IMMP2L: variants seen among roughly 807,000 people sequenced by gnomAD.
IMMP2L encodes the protein mitochondrial inner membrane protease subunit 2.
IMMP2L carries 18 observed loss-of-function variants against 19.3 expected under a neutral mutation model. The observed-to-expected ratio is 0.93, with a 90% CI of 0.64 to 1.38. The LOEUF (loss-of-function observed/expected upper bound fraction) is 1.38, where lower values mean the gene tolerates loss of function less well. IMMP2L is among the 40% of genes most tolerant of loss of function. The pLI, the probability that IMMP2L is intolerant of heterozygous loss-of-function variation, is 0.00. For synonymous variants in IMMP2L, 76 were observed against 73.0 expected, an observed-to-expected ratio of 1.04 and a Z score of -0.21; for missense variants, 233 against 218.2, an observed-to-expected ratio of 1.07 and a Z score of -0.43.
intron 2 of IMMP2L, among the ~76,000 whole-genome samples, chr7:111,511,531 C>A (rs1301573577): frequency 6.6e-6 from 1 of 151,800 alleles, no homozygotes; most frequent in Non-Finnish European, 1.5e-5. Flanking sequence ...AGCCTGTAAT[C>A]CCAGCTACTC....
At chr7:111,172,730 G>A (rs1238134126) in intron 3 of IMMP2L, among the ~76,000 whole-genome samples, 4 of 151,452 alleles carry the variant, frequency 2.6e-5, no homozygotes, top group Non-Finnish European at 4.4e-5. Flanking sequence ...TCCCATATGA[G>A]TGAGAACAGG....
intron 4 of IMMP2L, among the ~76,000 whole-genome samples, chr7:110,957,953 A>T (rs1430793307): frequency 6.6e-6 from 1 of 151,828 alleles, no homozygotes; most frequent in East Asian, 1.9e-4. Context: ...GCTTCTAACC[A>T]CTAGAATGTA....
chr7:110,707,349 G>T (rs1794777935), intron 5 of IMMP2L, among the ~76,000 whole-genome samples: 1 of 6,644 alleles, frequency 1.5e-4, no homozygotes, highest in Non-Finnish European at 3.5e-4. Context: ...CATTTTTTAT[G>T]GCTGCATAGT....
chr7:111,402,123 A>AAAT (rs59071691), intron 3 of IMMP2L, among the ~76,000 whole-genome samples: 2,509 of 137,304 alleles, frequency 0.018, 36 homozygotes, highest in Non-Finnish European at 0.023. Context: ...CCCATCTCAA[A>AAAT]AATAATAATA....
chr7:110,678,747 T>G (rs1792497099), intron 5 of IMMP2L, among the ~76,000 whole-genome samples: 4 of 152,150 alleles, frequency 2.6e-5, no homozygotes, highest in Admixed American at 2.6e-4. Flanking sequence ...TGCTGCTGAC[T>G]TCACTCTCCT....
At chr7:111,243,610 C>T (rs1188819488) in intron 3 of IMMP2L, among the ~76,000 whole-genome samples, 4 of 130,304 alleles carry the variant, frequency 3.1e-5, no homozygotes, top group African/African-American at 8.7e-5. Context: ...TGGTGCGCTG[C>T]ACCCACTAAT....
intron 3 of IMMP2L, among the ~76,000 whole-genome samples, chr7:111,205,489 T>G (rs1159983087): frequency 1.3e-5 from 2 of 152,156 alleles, no homozygotes; most frequent in Non-Finnish European, 2.9e-5. Flanking sequence ...GAAAATCAGT[T>G]CCATTGAACG....
intron 3 of IMMP2L, among the ~76,000 whole-genome samples, chr7:111,338,818 T>A (rs1025356209): frequency 3.3e-5 from 5 of 152,106 alleles, no homozygotes; most frequent in Non-Finnish European, 7.4e-5. Flanking sequence ...CACATTCTTG[T>A]CCCTTTGCCC....
intron 3 of IMMP2L, among the ~76,000 whole-genome samples, chr7:111,021,189 T>C (rs1244311070): frequency 6.6e-6 from 1 of 152,208 alleles, no homozygotes; most frequent in East Asian, 1.9e-4. Flanking sequence ...ACTTGAGTTA[T>C]AGGTTAGCTA....
At chr7:111,153,292 T>C (rs1259557980) in intron 3 of IMMP2L, among the ~76,000 whole-genome samples, 6 of 152,242 alleles carry the variant, frequency 3.9e-5, no homozygotes, top group Admixed American at 3.9e-4. Flanking sequence ...GCCTTATACC[T>C]ACTAAAGTTA....
chr7:111,522,411 T>C (rs911142493), intron 1 of IMMP2L, among the ~76,000 whole-genome samples: 21 of 152,080 alleles, frequency 1.4e-4, no homozygotes, highest in Admixed American at 6.6e-5. Context: ...ACTATACTTC[T>C]GACAAGAGGC....
At chr7:110,962,208 CTCCT>C (rs1420756089) in intron 4 of IMMP2L, 1 of 151,884 alleles carries the variant, frequency 6.6e-6, no homozygotes, top group Non-Finnish European at 1.5e-5. Flanking sequence ...GGTATCAGGA[CTCCT>C]TCACATTTTA....
chr7:111,550,650 C>T (rs548343022), intron 1 of IMMP2L, among the ~76,000 whole-genome samples: 2 of 152,194 alleles, frequency 1.3e-5, no homozygotes, highest in African/African-American at 2.4e-5. Context: ...AAAATATCTG[C>T]GGCAATCTTA....
chr7:110,982,079 A>G (rs557993469), intron 3 of IMMP2L, among the ~76,000 whole-genome samples: 44 of 152,170 alleles, frequency 2.9e-4, no homozygotes, highest in Non-Finnish European at 3.5e-4. Flanking sequence ...AAATGTTCCA[A>G]TGAGAATTGG....
chr7:110,834,513 C>A (rs764297735), intron 5 of IMMP2L, among the ~76,000 whole-genome samples: 2 of 152,040 alleles, frequency 1.3e-5, no homozygotes, highest in African/African-American at 4.8e-5. Context: ...TAGGAGACAA[C>A]CCCTGGAAGG....
At chr7:111,283,910 G>GC (rs1820192169) in intron 3 of IMMP2L, among the ~76,000 whole-genome samples, 2 of 144,492 alleles carry the variant, frequency 1.4e-5, no homozygotes, top group Admixed American at 1.4e-4. Flanking sequence ...GGCGGAGCTT[G>GC]CAGTGAGCCG....
chr7:110,940,076 T>C (rs2129552873), intron 4 of IMMP2L, among the ~76,000 whole-genome samples: 1 of 152,202 alleles, frequency 6.6e-6, no homozygotes, highest in Non-Finnish European at 1.5e-5. Flanking sequence ...CCCAGCACTT[T>C]GGGAGGCCGA....
chr7:111,234,049 T>C (rs1814014832), intron 3 of IMMP2L, among the ~76,000 whole-genome samples: 1 of 152,084 alleles, frequency 6.6e-6, no homozygotes, highest in Admixed American at 6.6e-5. Context: ...GTCATTATAA[T>C]ACAAATGGTG....
intron 3 of IMMP2L, among the ~76,000 whole-genome samples, chr7:110,990,215 T>A (rs1822309339): frequency 6.6e-6 from 1 of 152,196 alleles, no homozygotes; most frequent in African/African-American, 2.4e-5. Flanking sequence ...AATTTATAAT[T>A]TCCTCCCAAT....
Sources: allele counts gnomAD v4.1 joint callset (sites outside exome capture counted in the v4.1 genomes callset), GRCh38; gene constraint gnomAD v4.1.1; transcripts MANE v1.5; gene names NCBI Gene and HGNC (gene_info 2026-07-23, HGNC 2026-07-21).